LCMT1: variants seen among roughly 807,000 people sequenced by gnomAD.
The protein encoded by LCMT1 is [Phosphatase 2A protein]-leucine-carboxy methyltransferase 1.
A neutral mutation model predicts 47.7 loss-of-function variants in LCMT1; 32 were observed. The ratio of observed to expected loss-of-function variants is 0.67; its 90% CI spans 0.51 to 0.90. The LOEUF (loss-of-function observed/expected upper bound fraction) is 0.90, where lower values mean the gene tolerates loss of function less well. LCMT1 is among the 40% of genes least tolerant of loss of function. LCMT1 has a pLI of 0.00. For synonymous variants in LCMT1, 152 were observed against 149.7 expected (o/e 1.02, Z -0.11); for missense variants, 375 against 415.2 (o/e 0.90, Z 0.84).
rs551193599 is a variant in LCMT1 at position 25,123,768 on chromosome 16, C to T, written c.114-4707C>T. Among the ~76,000 whole-genome samples, 358 of 151,540 alleles carry T rather than the reference C, an allele frequency of 2.4e-3. 1 individual carries two copies. The highest frequency in any genetic ancestry group is 8.1e-3 in the African/African-American group (332 of 41,222). On this transcript the variant is annotated intron_variant, in intron 1 of 10. Transcript: ENST00000399069. ...GATTACAGGCATGAGCCACCATATG[C>T]GGCTAATTTTTTGTATTTTTAGTAG...
chr16:25,150,333 GTTTTTTTTTTTTTT>G (rs35240331), intron 4 of LCMT1, among the ~76,000 whole-genome samples: 1 of 93,526 alleles, frequency 1.1e-5, no homozygotes, highest in East Asian at 3.8e-4. Flanking sequence ...TAGTTTTCTG[GTTTTTTTTTTTTTT>G]TTTTTTTTTT....
chr16:25,118,528 G>T (rs909922865), intron 1 of LCMT1, among the ~76,000 whole-genome samples: 2 of 152,162 alleles, frequency 1.3e-5, no homozygotes, highest in Non-Finnish European at 2.9e-5. Context: ...TTCCTGGAGT[G>T]GGGGTGGGTA....
At chr16:25,170,555 G>A (rs1264900721) in intron 8 of LCMT1, among the ~76,000 whole-genome samples, 159 bp from the exon 9 acceptor site, 1 of 151,770 alleles carries the variant, frequency 6.6e-6, no homozygotes, top group Admixed American at 6.6e-5. Context: ...GCTTGAGCCC[G>A]GTGGGTCAAG....
In LCMT1 at chr16:25,177,966, G is replaced by T. The variant is rs1432579392; in HGVS notation, c.983-35G>T. 1.9e-6 allele frequency: 3 copies of T among 1,610,718 alleles called. No homozygotes were observed. In the Admixed American group the frequency reaches 5.0e-5, roughly 27 times the overall value. Reference sequence around the variant, plus strand: ...GGGGCCTCTGCTCCTGGCCACCAGAGTCTCCTAATGGTGTCTGTGTGTCTC... The same window carrying T: ...GGGGCCTCTGCTCCTGGCCACCAGATTCTCCTAATGGTGTCTGTGTGTCTC... On this transcript the variant is annotated intron_variant, in intron 10 of 10. Transcript: ENST00000399069.
chr16:25,153,087 G>A (rs1961129868), intron 5 of LCMT1, among the ~76,000 whole-genome samples: 1 of 152,076 alleles, frequency 6.6e-6, no homozygotes, highest in East Asian at 1.9e-4. Flanking sequence ...TGAGAGGAGG[G>A]AAAGTGTTCT....
At chr16:25,135,871 G>A (rs1479748135) in intron 3 of LCMT1, among the ~76,000 whole-genome samples, 1 of 151,954 alleles carries the variant, frequency 6.6e-6, no homozygotes, top group East Asian at 1.9e-4. Flanking sequence ...TGGTTGAATT[G>A]CTTGAGCTCA....
rs75985348 is a variant in LCMT1, at chr16:25,173,805, A to G, written c.885-1132A>G. On this transcript the variant is annotated intron_variant, in intron 9 of 10. Transcript: ENST00000399069. ...AGTGATTCTCCCACCTTGGCCTCCCAAAGCTCTGGCATTAGAGGCGTGAGC... is the reference window on the plus strand; with the variant it reads ...AGTGATTCTCCCACCTTGGCCTCCCGAAGCTCTGGCATTAGAGGCGTGAGC... Among the ~76,000 whole-genome samples, 1,094 of 152,186 alleles carry G rather than the reference A, an allele frequency of 7.2e-3. 14 individuals carry two copies. Among genetic ancestry groups the G allele is most frequent in the African/African-American group, 0.024 (997 of 41,530 alleles).
In LCMT1 at chr16:25,151,569, A is replaced by G. The variant is rs1245950328; in HGVS notation, c.420A>G (p.Leu140=). The change falls in exon 5 of 11, where the codon CTA becomes CTG. Residue 140 remains leucine, a synonymous_variant. Coordinates refer to ENST00000399069, the MANE Select transcript of LCMT1 (RefSeq NM_016309.3). ...KLHSIKCKPP[L]SSPILELHSE... The stretch of plus-strand genomic sequence containing the variant: ...CTTCCCATAGATGCAAGCCTCCCCT[A>G]TCCAGCCCCATTCTAGAACTGCATT... The G allele has an allele frequency of 3.7e-6, 6 of 1,613,416 alleles. No individual in the cohort carries two copies. The highest frequency in any genetic ancestry group is 5.1e-6 in the Non-Finnish European group (6 of 1,179,562).
intron 1 of LCMT1, among the ~76,000 whole-genome samples, chr16:25,117,992 C>T (rs1257224036): frequency 6.6e-6 from 1 of 152,090 alleles, no homozygotes; most frequent in Non-Finnish European, 1.5e-5. Flanking sequence ...GGAAAGGAAT[C>T]AACTTTCCTT....
rs371918051 is a variant in LCMT1 at position 25,120,740 on chromosome 16, T to G, written c.114-7735T>G. Among the ~76,000 whole-genome samples, 74 of 134,000 alleles carry G rather than the reference T, an allele frequency of 5.5e-4. No individual in the cohort carries two copies. The East Asian group carries it at 0.014, about 26-fold the overall frequency. The allele number at this position is 134,000 out of a possible 152,430, so 87.9% of individuals were successfully genotyped here. On this transcript the variant is annotated intron_variant, in intron 1 of 10. Transcript: ENST00000399069. ...CACCGCACCTGGCCTTGTTTTTTTG[T>G]TTTTTTTTTTTGTTTTTTTTTTTTT...
At chr16:25,166,267 C>T (rs897945210) in intron 7 of LCMT1, among the ~76,000 whole-genome samples, 61 of 126,974 alleles carry the variant, frequency 4.8e-4, no homozygotes, top group African/African-American at 1.7e-3. Flanking sequence ...GAGACGCCAT[C>T]TCAAAAAAAA....
intron 5 of LCMT1, 108 bp downstream of exon 5, chr16:25,151,723 G>GTGT: frequency 2.6e-4 from 191 of 739,160 alleles, no homozygotes; most frequent in Non-Finnish European, 3.5e-4. Context: ...GTGTGTGTGT[G>GTGT]GTGTTATACA....
At chr16:25,160,315 C>CCG (rs1555484985) in intron 5 of LCMT1, among the ~76,000 whole-genome samples, 1 of 152,182 alleles carries the variant, frequency 6.6e-6, no homozygotes, top group Non-Finnish European at 1.5e-5. Flanking sequence ...GCCTATCAAT[C>CCG]TGGTTTAGCA....
intron 5 of LCMT1, among the ~76,000 whole-genome samples, chr16:25,155,257 A>T (rs1269662502): frequency 1.3e-5 from 2 of 152,196 alleles, no homozygotes; most frequent in Non-Finnish European, 2.9e-5. Flanking sequence ...TGGGCACACA[A>T]TGAAAAGTCA....
chr16:25,140,944 C>A (rs897824660), intron 4 of LCMT1: 11 of 150,236 alleles, frequency 7.3e-5, no homozygotes, highest in Non-Finnish European at 1.5e-4. Flanking sequence ...TGAGAGATTT[C>A]ACCCTCTATT....
At chr16:25,139,145 T>C (rs1053445946) in intron 3 of LCMT1, among the ~76,000 whole-genome samples, 1 of 152,132 alleles carries the variant, frequency 6.6e-6, no homozygotes, top group Admixed American at 6.5e-5. Flanking sequence ...CTCTTGACCT[T>C]GTGATCCGCC....
chr16:25,150,333 G>GTTTTTTT (rs35240331), intron 4 of LCMT1, among the ~76,000 whole-genome samples: 12 of 93,528 alleles, frequency 1.3e-4, no homozygotes, highest in African/African-American at 2.2e-4. Context: ...TAGTTTTCTG[G>GTTTTTTT]TTTTTTTTTT....
intron 3 of LCMT1, among the ~76,000 whole-genome samples, chr16:25,136,214 T>C (rs1038910100): frequency 6.6e-6 from 1 of 152,092 alleles, no homozygotes; most frequent in African/African-American, 2.4e-5. Flanking sequence ...CAGCCTACTT[T>C]TCTCCATCTC....
At chr16:25,129,469 G>A (rs1016453120) in intron 2 of LCMT1, among the ~76,000 whole-genome samples, 10 of 152,208 alleles carry the variant, frequency 6.6e-5, no homozygotes, top group South Asian at 2.1e-4. Context: ...TATAAGTGAC[G>A]TTGAGGATCA....
Sources: gnomAD v4.1 joint callset for allele counts (sites outside exome capture counted in the v4.1 genomes callset) on GRCh38, gnomAD v4.1.1 for gene constraint, MANE v1.5 for transcripts, NCBI Gene and HGNC (gene_info 2026-07-23, HGNC 2026-07-21) for gene names.